The following DCC variants were observed in gnomAD, a reference collection of about 807,000 sequenced individuals.
DCC encodes the protein DCC netrin 1 receptor, also known as netrin receptor DCC.
Under a neutral mutation model 172.5 loss-of-function variants are expected in DCC, and 58 were observed. The observed-to-expected ratio is 0.34, with a 90% confidence interval of 0.27 to 0.42. The LOEUF (loss-of-function observed/expected upper bound fraction) is 0.42, where lower values mean the gene tolerates loss of function less well. DCC is among the 10% of genes least tolerant of loss of function. The pLI is 1.00. For missense variants in DCC, 1,740 were observed against 1,791.0 expected, an observed-to-expected ratio of 0.97 and a Z score of 0.51; for synonymous variants, 709 against 644.5, an observed-to-expected ratio of 1.10 and a Z score of -1.52.
intron 14 of DCC, among the ~76,000 whole-genome samples, chr18:53,329,479 T>TAA (rs374488698): frequency 6.6e-6 from 1 of 152,122 alleles, no homozygotes; most frequent in African/African-American, 2.4e-5. Context: ...ATAATTAGTT[T>TAA]AAACATTGAA....
At chr18:52,827,471 C>T (rs1288589157) in intron 2 of DCC, among the ~76,000 whole-genome samples, 1 of 152,186 alleles carries the variant, frequency 6.6e-6, no homozygotes, top group Non-Finnish European at 1.5e-5. Flanking sequence ...GTCTTGTCAA[C>T]CTTGATAACC....
At chr18:52,999,811 A>G (rs1006025103) in intron 5 of DCC, among the ~76,000 whole-genome samples, 1 of 152,024 alleles carries the variant, frequency 6.6e-6, no homozygotes, top group African/African-American at 2.4e-5. Context: ...AGATATGTTG[A>G]AGTCCTGACC....
intron 2 of DCC, among the ~76,000 whole-genome samples, chr18:52,868,578 T>A (rs1314917048): frequency 5.3e-5 from 8 of 152,220 alleles, no homozygotes; most frequent in Non-Finnish European, 1.2e-4. Context: ...TGGACCAAGC[T>A]AATTTGGGAA....
intron 9 of DCC, among the ~76,000 whole-genome samples, chr18:53,189,959 T>G (rs2055340782): frequency 6.6e-6 from 1 of 152,166 alleles, no homozygotes; most frequent in African/African-American, 2.4e-5. Context: ...GGAGTTTCAC[T>G]CTTGTTGACC....
intron 21 of DCC, among the ~76,000 whole-genome samples, chr18:53,418,073 T>C (rs1300416236): frequency 2.6e-5 from 4 of 152,168 alleles, no homozygotes; most frequent in Non-Finnish European, 4.4e-5. Context: ...TTGTTCTTTT[T>C]CTTCATCTAA....
At position 52,497,329 on chromosome 18, in the gene DCC, A is replaced by G. The variant is rs1310885963; in HGVS notation, c.91+156451A>G. Among the ~76,000 whole-genome samples, 5 of 114,886 alleles carry G rather than the reference A, an allele frequency of 4.4e-5. 1 individual carries two copies. Among genetic ancestry groups the G allele is most frequent in the South Asian group, 2.8e-4 (1 of 3,608 alleles). 75.4% of individuals were successfully genotyped at this position (114,886 alleles called of 152,430 possible). A position where few individuals can be genotyped will look rare whatever the true frequency, so the allele number is the denominator to read the frequency against. Reference sequence around the variant, plus strand: ...TATATATATATACACACACACATATATATACACACGTATGCATATATATAT... The same window carrying G: ...TATATATATATACACACACACATATGTATACACACGTATGCATATATATAT... On this transcript the variant is annotated intron_variant, in intron 1 of 28. Coordinates refer to ENST00000442544, the MANE Select transcript of DCC (RefSeq NM_005215.4).
chr18:53,108,148 T>C (rs879884705), intron 7 of DCC, among the ~76,000 whole-genome samples: 9 of 146,002 alleles, frequency 6.2e-5, no homozygotes, highest in African/African-American at 7.6e-5. Context: ...ATAAGACTTA[T>C]ATGGAAGAAT....
intron 5 of DCC, among the ~76,000 whole-genome samples, chr18:52,996,749 C>T (rs1471339904): frequency 1.3e-5 from 2 of 149,710 alleles, no homozygotes; most frequent in Non-Finnish European, 3.0e-5. Context: ...ATTTATTTCT[C>T]TTCTCAAACA....
At chr18:52,377,984 G>A (rs974756295) in intron 1 of DCC, among the ~76,000 whole-genome samples, 1 of 152,062 alleles carries the variant, frequency 6.6e-6, no homozygotes, top group Admixed American at 6.6e-5. Context: ...ATAGGTATGA[G>A]CCTCTGCGCC....
chr18:52,367,435 C>T (rs943032544), intron 1 of DCC, among the ~76,000 whole-genome samples: 3 of 152,316 alleles, frequency 2.0e-5, no homozygotes, highest in South Asian at 2.1e-4. Flanking sequence ...CAAGCGAGGG[C>T]TCTGAGGACT....
chr18:52,728,866 T>G (rs970506899), intron 1 of DCC, among the ~76,000 whole-genome samples: 3 of 152,120 alleles, frequency 2.0e-5, no homozygotes, highest in African/African-American at 7.2e-5. Flanking sequence ...TCGACAGCTG[T>G]CAAAAGGGCA....
chr18:52,915,456 C>T (rs2040026788), intron 3 of DCC, among the ~76,000 whole-genome samples: 1 of 152,100 alleles, frequency 6.6e-6, no homozygotes, highest in South Asian at 2.1e-4. Context: ...ATGTCACACA[C>T]ACTCAATTAA....
chr18:53,236,650 T>G (rs2056206646), intron 12 of DCC, among the ~76,000 whole-genome samples: 1 of 152,104 alleles, frequency 6.6e-6, no homozygotes, highest in Admixed American at 6.6e-5. Flanking sequence ...TTTTATGATC[T>G]ACTTAAGAAA....
At chr18:53,110,332 T>C (rs192720897) in intron 7 of DCC, among the ~76,000 whole-genome samples, 4 of 151,852 alleles carry the variant, frequency 2.6e-5, no homozygotes, top group East Asian at 2.0e-4. Flanking sequence ...CTCAGTGTTA[T>C]GTGGGTATAT....
chr18:52,774,719 C>T (rs991133348), intron 2 of DCC, among the ~76,000 whole-genome samples: 2 of 151,896 alleles, frequency 1.3e-5, no homozygotes, highest in African/African-American at 2.4e-5. Context: ...TTCTCCAGCC[C>T]CACTCATGGC....
chr18:53,016,616 A>C (rs928252266), intron 5 of DCC, among the ~76,000 whole-genome samples: 6 of 152,056 alleles, frequency 3.9e-5, no homozygotes, highest in Admixed American at 1.3e-4. Context: ...ATTAAAGCTA[A>C]ATATATATTA....
chr18:52,642,081 C>CAT (rs2034916018), intron 1 of DCC, among the ~76,000 whole-genome samples: 1 of 37,086 alleles, frequency 2.7e-5, no homozygotes, highest in African/African-American at 7.3e-5. Context: ...TATATATATA[C>CAT]ACACACACAC....
intron 27 of DCC, among the ~76,000 whole-genome samples, chr18:53,515,767 G>T (rs966751019): frequency 6.6e-6 from 1 of 151,756 alleles, no homozygotes; most frequent in Non-Finnish European, 1.5e-5. Context: ...TCTTCAAGGA[G>T]AACTACAAAT....
At chr18:52,537,837 T>A (rs1284051681) in intron 1 of DCC, among the ~76,000 whole-genome samples, 1 of 152,130 alleles carries the variant, frequency 6.6e-6, no homozygotes, top group East Asian at 1.9e-4. Flanking sequence ...ATGTTTTATA[T>A]CTCCCCCCAT....
Sources: allele counts gnomAD v4.1 joint callset (sites outside exome capture counted in the v4.1 genomes callset), GRCh38; gene constraint gnomAD v4.1.1; transcripts MANE v1.5; gene names NCBI Gene and HGNC (gene_info 2026-07-23, HGNC 2026-07-21).